Variants in MRPS15 observed in about 807,000 individuals in gnomAD.
MRPS15 encodes the protein mitochondrial ribosomal protein S15.
Under a neutral mutation model 30.7 loss-of-function variants are expected in MRPS15, and 25 were observed. That is an observed-to-expected ratio of 0.81 (90% CI 0.59 to 1.14). The LOEUF is 1.14. Ranked by LOEUF, MRPS15 falls within the 50% of genes most tolerant of loss-of-function variation. The pLI, the probability that MRPS15 is intolerant of heterozygous loss-of-function variation, is 0.00. For synonymous variants in MRPS15, 124 were observed against 120.1 expected (o/e 1.03, Z -0.21); for missense variants, 313 against 321.7 (o/e 0.97, Z 0.21).
chr1:36,460,120 C>T (rs1458466964), intron 5 of MRPS15, among the ~76,000 whole-genome samples: 1 of 152,208 alleles, frequency 6.6e-6, no homozygotes, highest in East Asian at 1.9e-4. Context: ...ACGCCATTCT[C>T]CTGCCTCAGC....
intron 3 of MRPS15, 82 bp from the exon 4 acceptor site, chr1:36,461,394 C>A: frequency 7.5e-7 from 1 of 1,331,622 alleles, no homozygotes; most frequent in East Asian, 2.3e-5. Flanking sequence ...GTTTGAAAAG[C>A]AAAGATGATT....
At chr1:36,461,811 T>TA (rs1357414269) in intron 3 of MRPS15, among the ~76,000 whole-genome samples, 2 of 152,132 alleles carry the variant, frequency 1.3e-5, no homozygotes, top group African/African-American at 4.8e-5. Context: ...GATGAGAGAT[T>TA]TCTACAAAGA....
rs7065 is a variant in MRPS15 at position 36,462,132 on chromosome 1, G to A, written c.207C>T (p.Pro69=). The change falls in exon 3 of 8, where the codon CCC becomes CCT. Residue 69 remains proline, a synonymous_variant. Transcript: ENST00000373116. ...TCTGGTAGTCTTTGAGCAGCGTAGA[G>A]GGAGGTGGGTCATCATCCAGCCTAG... ...AQSRLDDDPP[P]STLLKDYQNV... 1,508,514 of 1,612,898 alleles carry A rather than the reference G, an allele frequency of 0.94. 705,949 individuals carry two copies. The highest frequency in any genetic ancestry group is 1 in the East Asian group (44,849 of 44,858).
At chr1:36,464,027 C>T in intron 1 of MRPS15, 119 bp downstream of exon 1, 1 of 1,519,512 alleles carries the variant, frequency 6.6e-7, no homozygotes, top group Non-Finnish European at 8.9e-7. Flanking sequence ...TGCGCAACCA[C>T]CGCCCTTTCC....
chr1:36,455,819 G>T lies in MRPS15; in HGVS notation c.743C>A (p.Ala248Asp). The T allele has an allele frequency of 6.2e-7, 1 of 1,614,142 alleles. No individual in the cohort carries two copies. The highest frequency in any genetic ancestry group is 8.5e-7 in the Non-Finnish European group (1 of 1,180,024). ...GCTGTCTTTGAGTGTCTTTGGTATG[G>T]CTTTGGCAGGGCTGTCTGGGTTCCT... is the stretch of plus-strand genomic sequence containing the variant. ...KRRNPDSPAK[A>D]IPKTLKDSQ The change falls in exon 8 of 8, where the codon GCC (alanine) becomes GAC (aspartate). Residue 248 changes from alanine to aspartate, a missense_variant. Ala to Asp is a moderately radical substitution (Grantham distance 126). Transcript: ENST00000373116.
chr1:36,459,673 T>A (rs1026911899), intron 5 of MRPS15: 1 of 152,254 alleles, frequency 6.6e-6, no homozygotes, highest in Non-Finnish European at 1.5e-5. Context: ...GTATCCAAGA[T>A]GAACTCACCA....
rs547788812 is a variant in MRPS15 at position 36,455,806 on chromosome 1, T to A, written c.756A>T (p.Thr252=). Residue 252 remains threonine (T), a synonymous_variant, in exon 8 of 8, where the codon ACA becomes ACT. Transcript: ENST00000373116. Reference sequence around the variant, plus strand: ...ACAGAATTTATTGGCTGTCTTTGAGTGTCTTTGGTATGGCTTTGGCAGGGC... The same window carrying A: ...ACAGAATTTATTGGCTGTCTTTGAGAGTCTTTGGTATGGCTTTGGCAGGGC... The part of the protein sequence containing the change: ...PDSPAKAIPK[T]LKDSQ The A allele has an allele frequency of 6.8e-6, 11 of 1,613,944 alleles. No homozygotes were observed. Among genetic ancestry groups the A allele is most frequent in the Non-Finnish European group, 9.3e-6 (11 of 1,180,020 alleles).
At chr1:36,462,193 C>T in intron 2 of MRPS15, 30 bp from the exon 3 acceptor site, 1 of 1,567,140 alleles carries the variant, frequency 6.4e-7, no homozygotes, top group Non-Finnish European at 8.8e-7. Context: ...ATAGAAAACA[C>T]CCAGAGTCAA....
Position 36,464,209 on chromosome 1 carries a change from G to T in MRPS15, c.67C>A (p.Pro23Thr). ...RTRAVTQVLV[P>T]GLPGGGSAKF... is the part of the protein sequence containing the mutation. ...GCGCTCCCACCGCCCGGCAGCCCGGGTACTAGGACCTGGGTAACTGCCCGG... is the reference window on the plus strand; with the variant it reads ...GCGCTCCCACCGCCCGGCAGCCCGGTTACTAGGACCTGGGTAACTGCCCGG... The change falls in exon 1 of 8, where the codon CCC becomes ACC. Residue 23 changes from proline to threonine, a missense_variant. Coordinates refer to ENST00000373116, the MANE Select transcript of MRPS15 (RefSeq NM_031280.4). 5 of 1,614,072 alleles carry T rather than the reference G, an allele frequency of 3.1e-6. No individual in the cohort carries two copies. The highest frequency in any genetic ancestry group is 4.2e-6 in the Non-Finnish European group (5 of 1,179,998).
intron 5 of MRPS15, 25 bp downstream of exon 5, chr1:36,460,667 C>A (rs764758702): frequency 3.8e-6 from 6 of 1,592,096 alleles, no homozygotes; most frequent in Admixed American, 1.7e-5. Context: ...CCTACACCCC[C>A]ACTCCCCAAG....
Position 36,463,833 on chromosome 1 carries a change from C to T in MRPS15, c.148G>A (p.Ala50Thr). The change falls in exon 2 of 8, where the codon GCG (alanine) becomes ACG (threonine). Residue 50 changes from alanine to threonine, a missense_variant. Physicochemically the swap from Ala to Thr is moderately conservative, Grantham distance 58. Coordinates refer to ENST00000373116, the MANE Select transcript of MRPS15 (RefSeq NM_031280.4). The part of the protein sequence containing the change: ...LQPRSLLLQA[A>T]RGYVVRKPAQ... ...GGTTTCCGGACGACATATCCGCGCGCGGCCTGGAGGAGGAGACCTACGCAG... is the reference window on the plus strand; with the variant it reads ...GGTTTCCGGACGACATATCCGCGCGTGGCCTGGAGGAGGAGACCTACGCAG... 3 of 1,612,770 alleles carry T rather than the reference C, an allele frequency of 1.9e-6. No homozygotes were observed. The highest frequency in any genetic ancestry group is 2.5e-6 in the Non-Finnish European group (3 of 1,179,174).
intron 3 of MRPS15, 91 bp from the exon 4 acceptor site, chr1:36,461,403 T>C (rs983803891): frequency 4.8e-6 from 6 of 1,241,872 alleles, no homozygotes; most frequent in Non-Finnish European, 7.0e-6. Flanking sequence ...GCAAAGATGA[T>C]TGAAAAATTC....
At position 36,464,320 on chromosome 1, in the gene MRPS15, G is replaced by C. The variant is rs200351684; in HGVS notation, c.-45C>G. The C allele has an allele frequency of 5.0e-5, 79 of 1,590,650 alleles. No homozygotes were observed. In the East Asian group the frequency reaches 1.7e-3, roughly 34 times the overall value. On this transcript the variant is annotated 5_prime_UTR_variant, in exon 1 of 8. Transcript: ENST00000373116. Reference sequence around the variant, plus strand: ...GGGGCCCGCGCCGCGGCCGCCGTTCGCTTTGCGGCACGGACCGGGTTACAT... The same window carrying C: ...GGGGCCCGCGCCGCGGCCGCCGTTCCCTTTGCGGCACGGACCGGGTTACAT...
chr1:36,461,140 G>A, intron 4 of MRPS15, 124 bp downstream of exon 4: 1 of 929,364 alleles, frequency 1.1e-6, no homozygotes, highest in Non-Finnish European at 1.8e-6. Flanking sequence ...ACAAATGGAG[G>A]CAGAATGACA....
Position 36,456,169 on chromosome 1 carries a change from C to G in MRPS15, c.636+18G>C. ...GTCCCTGAGTGGGGCCAAGCAAAGC[C>G]GCAATTCTGACTCGTACCCGAATGC... On this transcript the variant is annotated intron_variant, in intron 7 of 7. Transcript: ENST00000373116. 1 of 1,589,538 alleles carries G rather than the reference C, an allele frequency of 6.3e-7. No homozygotes were observed. The highest frequency in any genetic ancestry group is 8.6e-7 in the Non-Finnish European group (1 of 1,166,364).
intron 5 of MRPS15, among the ~76,000 whole-genome samples, chr1:36,460,156 C>T (rs1007981862): frequency 2.0e-5 from 3 of 152,118 alleles, no homozygotes; most frequent in Non-Finnish European, 4.4e-5. Context: ...TACAGGCGCC[C>T]GCCACCATGC....
chr1:36,459,884 T>C (rs1370080255), intron 5 of MRPS15, among the ~76,000 whole-genome samples: 1 of 152,120 alleles, frequency 6.6e-6, no homozygotes, highest in African/African-American at 2.4e-5. Flanking sequence ...GAGGGGGAAA[T>C]GGTGGTGCTT....
At chr1:36,456,406 A>ATT in intron 6 of MRPS15, 28 bp from the exon 7 acceptor site, 1 of 1,563,638 alleles carries the variant, frequency 6.4e-7, no homozygotes, top group Middle Eastern at 1.7e-4. Context: ...TACTTTTAGT[A>ATT]TTATATAAGT....
chr1:36,461,051 A>G lies in MRPS15; in HGVS notation c.300+213T>C, dbSNP rs111395575. Among the ~76,000 whole-genome samples the G allele has an allele frequency of 7.0e-3, 1,062 of 152,316 alleles. 14 individuals are homozygous for G. The highest frequency in any genetic ancestry group is 0.024 in the African/African-American group (993 of 41,562). Reference sequence around the variant, plus strand: ...ATGCTCATTCATTCATTCACTGAGCACCTGTTTGTCAGGTGCTAGGGGTAT... The same window carrying G: ...ATGCTCATTCATTCATTCACTGAGCGCCTGTTTGTCAGGTGCTAGGGGTAT... On this transcript the variant is annotated intron_variant, in intron 4 of 7. Transcript: ENST00000373116.
Sources: gnomAD v4.1 joint callset for allele counts (sites outside exome capture counted in the v4.1 genomes callset) on GRCh38, gnomAD v4.1.1 for gene constraint, MANE v1.5 for transcripts, NCBI Gene and HGNC (gene_info 2026-07-23, HGNC 2026-07-21) for gene names.